The following TJP1 variants were observed in gnomAD, a reference collection of about 807,000 sequenced individuals.
The protein encoded by TJP1 is tight junction protein 1, also known as tight junction protein ZO-1.
In TJP1, 43 loss-of-function variants were observed where a neutral mutation model predicts 194.2. The ratio of observed to expected loss-of-function variants is 0.22; its 90% CI spans 0.17 to 0.29. The LOEUF (loss-of-function observed/expected upper bound fraction) is 0.29, where lower values mean the gene tolerates loss of function less well. TJP1 is among the 10% of genes least tolerant of loss of function. The pLI, the probability that TJP1 is intolerant of heterozygous loss-of-function variation, is 1.00. For missense variants in TJP1, 1,971 were observed against 2,185.7 expected (o/e 0.90, Z 1.96); for synonymous variants, 801 against 779.0 (o/e 1.03, Z -0.47).
chr15:29,789,507 A>G (rs2151799092), intron 2 of TJP1, among the ~76,000 whole-genome samples: 1 of 152,342 alleles, frequency 6.6e-6, no homozygotes, highest in African/African-American at 2.4e-5. Flanking sequence ...ACAGTAGAAC[A>G]CTAAAAAATT....
chr15:29,727,095 G>T, intron 16 of TJP1, 104 bp from the exon 17 acceptor site: 2 of 1,026,596 alleles, frequency 1.9e-6, no homozygotes, highest in Non-Finnish European at 2.9e-6. Flanking sequence ...TATAATCCTA[G>T]CACTTTGGGA....
At chr15:29,729,482 T>C (rs2043458698) in intron 15 of TJP1, 1 of 151,258 alleles carries the variant, frequency 6.6e-6, no homozygotes, top group Non-Finnish European at 1.5e-5. Context: ...AAAAAAAAGA[T>C]GATGTTCTGA....
chr15:29,968,608 C>T (rs1388730057), intron 1 of TJP1: 3 of 952,600 alleles, frequency 3.1e-6, no homozygotes, highest in Non-Finnish European at 3.8e-6. Flanking sequence ...CCCACTCCGG[C>T]CCCCGCCCCG....
Position 29,716,703 on chromosome 15 carries a change from C to T in TJP1, c.4110G>A (p.Lys1370=), listed in dbSNP as rs28578444. Residue 1370 remains lysine, a synonymous_variant, in exon 23 of 28, where the codon AAG becomes AAA. Coordinates refer to ENST00000614355, the MANE Select transcript of TJP1 (RefSeq NM_001330239.4). Reference sequence around the variant, plus strand: ...GGCTGGCGGCAATGTGTGCAGGAGGCTTATTCTCAAAACTTCTTCGGTCAA... The same window carrying T: ...GGCTGGCGGCAATGTGTGCAGGAGGTTTATTCTCAAAACTTCTTCGGTCAA... ...SYFDRRSFEN[K]PPAHIAASHL... The T allele has an allele frequency of 1.1e-5, 18 of 1,614,072 alleles. No homozygotes were observed. Among genetic ancestry groups the T allele is most frequent in the Middle Eastern group, 3.3e-4 (2 of 6,062 alleles).
chr15:29,712,705 C>G (rs2042313393), intron 23 of TJP1, among the ~76,000 whole-genome samples: 1 of 151,974 alleles, frequency 6.6e-6, no homozygotes, highest in African/African-American at 2.4e-5. Flanking sequence ...CCTTCTCCAC[C>G]TCTGTTGCAG....
At position 29,728,099 on chromosome 15, in the gene TJP1, T is replaced by C. The variant is rs80049127; in HGVS notation, c.2018-80A>G. On this transcript the variant is annotated intron_variant, in intron 15 of 27. Transcript: ENST00000614355. ...GAGTTTCTCAACTACTGGCCACAACTGATATGCCGGACTGGATAGTACTTT... is the reference window on the plus strand; with the variant it reads ...GAGTTTCTCAACTACTGGCCACAACCGATATGCCGGACTGGATAGTACTTT... The C allele has an allele frequency of 4.5e-3, 5,183 of 1,150,802 alleles. 182 individuals carry two copies. In the East Asian group the frequency reaches 0.083, roughly 18 times the overall value. 71.3% of individuals were successfully genotyped at this position (1,150,802 alleles called of 1,614,324 possible). A position where few individuals can be genotyped will look rare whatever the true frequency, so the allele number is the denominator to read the frequency against.
chr15:29,714,675 G>C (rs1159427240), intron 23 of TJP1, among the ~76,000 whole-genome samples: 1 of 150,376 alleles, frequency 6.6e-6, no homozygotes, highest in African/African-American at 2.4e-5. Flanking sequence ...CGAGTAGCTG[G>C]GACTATAGGA....
In TJP1 at chr15:29,768,794, C is replaced by T. The variant is rs192982460; in HGVS notation, c.313-2252G>A. On this transcript the variant is annotated intron_variant, in intron 4 of 27. Transcript: ENST00000614355. Reference sequence around the variant, plus strand: ...ATAATTAGTAGGTGTGACAACTATGCTCGATTTTAACACTATGAAAAATTT... The same window carrying T: ...ATAATTAGTAGGTGTGACAACTATGTTCGATTTTAACACTATGAAAAATTT... Among the ~76,000 whole-genome samples the T allele has an allele frequency of 3.3e-5, 5 of 152,008 alleles. No individual in the cohort carries two copies. The East Asian group carries it at 7.7e-4, about 23-fold the overall frequency.
At chr15:29,964,177 C>T (rs967879608) in intron 1 of TJP1, among the ~76,000 whole-genome samples, 2 of 152,078 alleles carry the variant, frequency 1.3e-5, no homozygotes, top group African/African-American at 4.8e-5. Context: ...CATCCTGGAT[C>T]ATCCAGGTGG....
intron 2 of TJP1, among the ~76,000 whole-genome samples, chr15:29,879,330 C>T (rs2052838043): frequency 6.6e-6 from 1 of 152,146 alleles, no homozygotes; most frequent in East Asian, 1.9e-4. Flanking sequence ...AAGGCTCAGG[C>T]TCCTGTGCTT....
chr15:29,919,090 G>A (rs1396540140), intron 2 of TJP1, among the ~76,000 whole-genome samples: 3 of 152,192 alleles, frequency 2.0e-5, no homozygotes, highest in Non-Finnish European at 2.9e-5. Flanking sequence ...GTCATGCAAA[G>A]GTTTGGGACA....
intron 2 of TJP1, among the ~76,000 whole-genome samples, chr15:29,894,048 G>A (rs1421481489): frequency 6.6e-6 from 1 of 152,144 alleles, no homozygotes; most frequent in Admixed American, 6.5e-5. Flanking sequence ...ATCTGACCAG[G>A]TCTAGTTTTT....
At chr15:29,735,941 G>C (rs1020354782) in intron 11 of TJP1, among the ~76,000 whole-genome samples, 2 of 152,134 alleles carry the variant, frequency 1.3e-5, no homozygotes, top group East Asian at 1.9e-4. Context: ...CTGCTCACTT[G>C]AGCAACCAAA....
At chr15:29,780,310 G>T (rs2047282595) in intron 2 of TJP1, among the ~76,000 whole-genome samples, 1 of 151,958 alleles carries the variant, frequency 6.6e-6, no homozygotes. Context: ...GGGGTGATGG[G>T]AGACAGTGAC....
chr15:29,877,619 T>C (rs2052754763), intron 2 of TJP1, among the ~76,000 whole-genome samples: 1 of 150,688 alleles, frequency 6.6e-6, no homozygotes, highest in African/African-American at 2.4e-5. Flanking sequence ...TCCCTCCTCC[T>C]CCTCCTTCTT....
At chr15:29,826,719 T>C (rs1219330010), upstream of TJP1, among the ~76,000 whole-genome samples, 4 of 152,246 alleles carry the variant, frequency 2.6e-5, no homozygotes, top group Non-Finnish European at 5.9e-5. Flanking sequence ...TCTTCTAGTG[T>C]TTCCCATCTT....
At chr15:29,949,683 TCACCACCACCTCCAC>T (rs2055551791) in intron 2 of TJP1, among the ~76,000 whole-genome samples, 1 of 15,630 alleles carries the variant, frequency 6.4e-5, no homozygotes, top group African/African-American at 2.3e-4. Context: ...ACCTCCACCT[TCACCACCACCTCCAC>T]CACCACCACC....
chr15:29,714,843 AT>A (rs2042465288), intron 23 of TJP1, among the ~76,000 whole-genome samples: 2 of 152,168 alleles, frequency 1.3e-5, no homozygotes, highest in South Asian at 4.1e-4. Flanking sequence ...GCCTGGCCAT[AT>A]AATCTTTTTA....
intron 2 of TJP1, among the ~76,000 whole-genome samples, chr15:29,912,098 C>T (rs116546805): frequency 0.012 from 1,852 of 152,242 alleles, 40 homozygotes; most frequent in African/African-American, 0.042. Context: ...TGGAGAGGCC[C>T]GCTTCCTGCT....
Sources: allele counts gnomAD v4.1 joint callset (sites outside exome capture counted in the v4.1 genomes callset), GRCh38; gene constraint gnomAD v4.1.1; transcripts MANE v1.5; gene names NCBI Gene and HGNC (gene_info 2026-07-23, HGNC 2026-07-21).